The following FOXP2 variants were observed in gnomAD, a reference collection of about 807,000 sequenced individuals.
FOXP2 encodes the protein forkhead box P2.
Under a neutral mutation model 115.8 loss-of-function variants are expected in FOXP2, and 12 were observed. The observed-to-expected ratio is 0.10, with a 90% confidence interval of 0.07 to 0.17. The LOEUF is 0.17. Among genes scored for constraint, FOXP2 ranks in the 10% least tolerant of loss-of-function variants. FOXP2 has a pLI of 1.00. For missense variants in FOXP2, 629 were observed against 843.5 expected (o/e 0.75, Z 3.15); for synonymous variants, 328 against 297.7 (o/e 1.10, Z -1.05).
intron 3 of FOXP2, among the ~76,000 whole-genome samples, chr7:114,556,867 A>G (rs1365729456): frequency 6.6e-6 from 1 of 152,196 alleles, no homozygotes; most frequent in Non-Finnish European, 1.5e-5. Context: ...ATACAGTGAG[A>G]TTTCTATTAA....
intron 1 of FOXP2, among the ~76,000 whole-genome samples, chr7:114,420,603 T>G (rs1793575387): frequency 6.6e-6 from 1 of 151,878 alleles, no homozygotes. Flanking sequence ...GTCCTCCTCT[T>G]ACATATCTAA....
intron 2 of FOXP2, among the ~76,000 whole-genome samples, chr7:114,305,016 T>C (rs550260881): frequency 3.9e-5 from 6 of 152,190 alleles, no homozygotes; most frequent in Non-Finnish European, 1.5e-5. Context: ...TTATTCTAGA[T>C]CTTTTAAAAA....
At chr7:114,635,770 C>A (rs561470818) in intron 6 of FOXP2, among the ~76,000 whole-genome samples, 1 of 151,982 alleles carries the variant, frequency 6.6e-6, no homozygotes, top group South Asian at 2.1e-4. Flanking sequence ...CAATTCTTTA[C>A]ATCTTGAGAG....
intron 3 of FOXP2, among the ~76,000 whole-genome samples, chr7:114,541,394 A>G (rs1235364337): frequency 6.6e-6 from 1 of 152,026 alleles, no homozygotes; most frequent in African/African-American, 2.4e-5. Context: ...TTAGCATTGG[A>G]TTTATTAAGG....
At chr7:114,245,682 A>G (rs539609471) in intron 1 of FOXP2, among the ~76,000 whole-genome samples, 1 of 152,300 alleles carries the variant, frequency 6.6e-6, no homozygotes, top group South Asian at 2.1e-4. Context: ...CATAGAGCTG[A>G]AGATGCCGTG....
intron 3 of FOXP2, among the ~76,000 whole-genome samples, chr7:114,574,809 T>C (rs977125769): frequency 1.3e-5 from 2 of 151,952 alleles, no homozygotes; most frequent in African/African-American, 4.8e-5. Context: ...ACCTTTAGCA[T>C]TGAGCCAGAT....
intron 1 of FOXP2, among the ~76,000 whole-genome samples, chr7:114,150,767 A>G (rs945873871): frequency 6.6e-6 from 1 of 151,938 alleles, no homozygotes; most frequent in African/African-American, 2.4e-5. Flanking sequence ...TGGTTTTCCT[A>G]GATATCAATT....
chr7:114,646,554 C>G (rs761851359), intron 8 of FOXP2, among the ~76,000 whole-genome samples: 3 of 151,854 alleles, frequency 2.0e-5, no homozygotes, highest in Non-Finnish European at 2.9e-5. Flanking sequence ...AAAGACTGAC[C>G]ATTTTTCCAA....
At chr7:114,257,316 T>G (rs1352246374) in intron 1 of FOXP2, among the ~76,000 whole-genome samples, 2 of 152,074 alleles carry the variant, frequency 1.3e-5, no homozygotes, top group Non-Finnish European at 2.9e-5. Flanking sequence ...AAGACTTAAA[T>G]GTAAAACCCC....
intron 1 of FOXP2, among the ~76,000 whole-genome samples, chr7:114,184,479 A>T (rs973392978): frequency 6.6e-6 from 1 of 152,114 alleles, no homozygotes; most frequent in African/African-American, 2.4e-5. Flanking sequence ...AGCATAAATG[A>T]TTTATGGAGA....
At chr7:114,523,010 TGC>T (rs1798695846) in intron 2 of FOXP2, among the ~76,000 whole-genome samples, 5 of 151,858 alleles carry the variant, frequency 3.3e-5, no homozygotes, top group Admixed American at 2.0e-4. Context: ...TAAATATAAA[TGC>T]ATTTCTTCTT....
intron 2 of FOXP2, among the ~76,000 whole-genome samples, chr7:114,511,937 C>A (rs1008684075): frequency 1.3e-5 from 2 of 151,726 alleles, no homozygotes; most frequent in African/African-American, 4.8e-5. Flanking sequence ...TAGTTTCTAT[C>A]CAAAAAATCT....
chr7:114,087,388 G>T (rs892257140), upstream of FOXP2, among the ~76,000 whole-genome samples: 63 of 152,270 alleles, frequency 4.1e-4, no homozygotes, highest in African/African-American at 1.5e-3. Context: ...GTCTGGCCTG[G>T]TTTTACTTTT....
At chr7:114,201,662 C>A (rs1412206418) in intron 1 of FOXP2, among the ~76,000 whole-genome samples, 1 of 152,080 alleles carries the variant, frequency 6.6e-6, no homozygotes, top group East Asian at 1.9e-4. Context: ...TAAAGCATGT[C>A]TAGAACCAAA....
intron 2 of FOXP2, among the ~76,000 whole-genome samples, chr7:114,369,445 C>T (rs945888603): frequency 4.6e-5 from 7 of 152,114 alleles, no homozygotes; most frequent in African/African-American, 1.2e-4. Context: ...ACCTCCTGAT[C>T]GTAAATGCTG....
At chr7:114,158,927 G>T (rs1353405635), upstream of FOXP2, among the ~76,000 whole-genome samples, 4 of 152,112 alleles carry the variant, frequency 2.6e-5, no homozygotes, top group Non-Finnish European at 5.9e-5. Flanking sequence ...CTTGGGTTGG[G>T]TGTGTAGTAT....
chr7:114,255,622 G>A (rs763090447), intron 1 of FOXP2, among the ~76,000 whole-genome samples: 2 of 152,300 alleles, frequency 1.3e-5, no homozygotes, highest in East Asian at 1.9e-4. Context: ...CTGGTGTGGC[G>A]TTTGTTAAGA....
intron 1 of FOXP2, among the ~76,000 whole-genome samples, chr7:114,106,542 T>A (rs1791122151): frequency 6.6e-6 from 1 of 152,014 alleles, no homozygotes; most frequent in Non-Finnish European, 1.5e-5. Context: ...GAAGTAGATA[T>A]ATCATGTTCC....
intron 1 of FOXP2, among the ~76,000 whole-genome samples, chr7:114,185,137 A>G (rs1050807123): frequency 6.6e-6 from 1 of 152,228 alleles, no homozygotes; most frequent in Non-Finnish European, 1.5e-5. Context: ...CTGAATACTT[A>G]ATGCTTACAG....
Sources: gnomAD v4.1 joint callset for allele counts (sites outside exome capture counted in the v4.1 genomes callset) on GRCh38, gnomAD v4.1.1 for gene constraint, MANE v1.5 for transcripts, NCBI Gene and HGNC (gene_info 2026-07-23, HGNC 2026-07-21) for gene names.